The following ACOXL variants were observed in gnomAD, a reference collection of about 807,000 sequenced individuals.
The protein encoded by ACOXL is acyl-CoA oxidase like, also known as acyl-coenzyme A oxidase-like protein.
In ACOXL, 70 loss-of-function variants were observed where a neutral mutation model predicts 71.9. That is an observed-to-expected ratio of 0.97 (90% CI 0.80 to 1.19). The LOEUF (loss-of-function observed/expected upper bound fraction) is 1.19. Among genes scored for constraint, ACOXL ranks in the 50% most tolerant of loss-of-function variants. ACOXL has a pLI of 0.00. For missense variants in ACOXL, 703 were observed against 736.3 expected (o/e 0.95, Z 0.52); for synonymous variants, 253 against 281.6 (o/e 0.90, Z 1.02).
intron 3 of ACOXL, among the ~76,000 whole-genome samples, chr2:110,785,743 T>C (rs150711786): frequency 1.8e-4 from 28 of 152,334 alleles, no homozygotes; most frequent in African/African-American, 6.7e-4. Flanking sequence ...TGTCCATGTC[T>C]GGTGTTGAAC....
intron 10 of ACOXL, among the ~76,000 whole-genome samples, chr2:110,898,852 CA>C (rs796401756): frequency 6.6e-6 from 1 of 151,834 alleles, no homozygotes; most frequent in African/African-American, 2.4e-5. Flanking sequence ...AAGATATCTA[CA>C]AAAAAATCCT....
chr2:111,067,855 T>A (rs1354527628), intron 16 of ACOXL, among the ~76,000 whole-genome samples: 1 of 152,186 alleles, frequency 6.6e-6, no homozygotes, highest in Non-Finnish European at 1.5e-5. Context: ...GGCCCTGCTT[T>A]CAGGGAGCTC....
intron 14 of ACOXL, 83 bp downstream of exon 14, chr2:110,996,087 T>C (rs2063385057): frequency 8.4e-7 from 1 of 1,188,184 alleles, no homozygotes. Flanking sequence ...TTAAGTTTAG[T>C]AGAGGATGAG....
chr2:110,982,854 T>C (rs2062773363), intron 12 of ACOXL, among the ~76,000 whole-genome samples: 2 of 152,212 alleles, frequency 1.3e-5, no homozygotes, highest in South Asian at 2.1e-4. Flanking sequence ...TGTGCGGTGG[T>C]ACAGGACCCT....
rs551992909 is a variant in ACOXL at position 111,002,001 on chromosome 2, C to T, written c.1281+5997C>T. Among the ~76,000 whole-genome samples, 8 of 152,274 alleles carry T rather than the reference C, an allele frequency of 5.3e-5. No homozygotes were observed. The South Asian group carries it at 1.7e-3, about 32-fold the overall frequency. On this transcript the variant is annotated intron_variant, in intron 14 of 17. Coordinates refer to ENST00000439055, the MANE Select transcript of ACOXL (RefSeq NM_001142807.4). ...GCCCACATTATATCGTTGAAATTGT[C>T]TTAGTCTCTGTCTCTCTGTCTCTGT...
At chr2:110,955,772 C>T (rs1164391822) in intron 12 of ACOXL, among the ~76,000 whole-genome samples, 1 of 151,994 alleles carries the variant, frequency 6.6e-6, no homozygotes, top group East Asian at 1.9e-4. Context: ...CAAGCGTCCT[C>T]CCATTCCCAG....
chr2:110,915,426 A>AT (rs1183914057), intron 11 of ACOXL, among the ~76,000 whole-genome samples: 3,039 of 80,176 alleles, frequency 0.038, 99 homozygotes, highest in Non-Finnish European at 0.065. Flanking sequence ...ATATATATAT[A>AT]TATTTTTTTT....
At chr2:110,858,953 C>T (rs762329006) in intron 10 of ACOXL, among the ~76,000 whole-genome samples, 10 of 152,212 alleles carry the variant, frequency 6.6e-5, no homozygotes, top group African/African-American at 1.7e-4. Flanking sequence ...ATGCTTCGTG[C>T]GAGGCGGTAC....
At chr2:111,070,008 A>G (rs1320645387) in intron 16 of ACOXL, among the ~76,000 whole-genome samples, 1 of 152,062 alleles carries the variant, frequency 6.6e-6, no homozygotes, top group Non-Finnish European at 1.5e-5. Context: ...AAGAAGAAGC[A>G]TGTCCGTCGG....
Position 110,948,343 on chromosome 2 carries a change from A to G in ACOXL, c.1059+14701A>G, listed in dbSNP as rs375129401. Among the ~76,000 whole-genome samples the G allele has an allele frequency of 1.5e-4, 23 of 152,166 alleles. No homozygotes were observed. The East Asian group carries it at 3.5e-3, about 23-fold the overall frequency. On this transcript the variant is annotated intron_variant, in intron 12 of 17. Transcript: ENST00000439055. ...CTGAAGCAATTCCAAGTGTTTGTAA[A>G]TTTTTTCAGAAAGTGATGTGAGGCA...
Position 110,949,391 on chromosome 2 carries a change from C to T in ACOXL, c.1059+15749C>T, listed in dbSNP as rs868850301. On this transcript the variant is annotated intron_variant, in intron 12 of 17. Transcript: ENST00000439055. ...AACTGGTTTCTGACCAACTCCCTTT[C>T]TATTTTATTGGTCAGAGATCTCTTT... Among the ~76,000 whole-genome samples, 1,144 of 151,596 alleles carry T rather than the reference C, an allele frequency of 7.5e-3. 8 individuals carry two copies. The highest frequency in any genetic ancestry group is 0.041 in the Middle Eastern group (12 of 290).
At chr2:110,990,604 T>C (rs2063133544) in intron 13 of ACOXL, among the ~76,000 whole-genome samples, 1 of 152,242 alleles carries the variant, frequency 6.6e-6, no homozygotes, top group Admixed American at 6.5e-5. Context: ...TTTATTATGT[T>C]AGAGACAGGG....
At chr2:110,886,380 C>CTTTTTTT (rs751607372) in intron 10 of ACOXL, among the ~76,000 whole-genome samples, 1 of 131,494 alleles carries the variant, frequency 7.6e-6, no homozygotes, top group South Asian at 2.5e-4. Flanking sequence ...CCTTCTTTTT[C>CTTTTTTT]TTTTTTTTTT....
chr2:110,749,255 G>A (rs970068046), intron 1 of ACOXL, among the ~76,000 whole-genome samples: 2 of 152,224 alleles, frequency 1.3e-5, no homozygotes, highest in East Asian at 3.9e-4. Flanking sequence ...AATGCACAAA[G>A]GTCATTTTGT....
At chr2:110,921,398 CCCT>C (rs1350345391) in intron 11 of ACOXL, among the ~76,000 whole-genome samples, 6 of 131,128 alleles carry the variant, frequency 4.6e-5, no homozygotes, top group Admixed American at 1.5e-4. Context: ...ACCCCCCCCC[CCCT>C]TTTTTTTTTG....
intron 1 of ACOXL, among the ~76,000 whole-genome samples, chr2:110,749,688 A>G (rs1190958379): frequency 6.6e-6 from 1 of 152,224 alleles, no homozygotes. Context: ...AGATCGCGCC[A>G]CTGCACTCCA....
intron 10 of ACOXL, among the ~76,000 whole-genome samples, chr2:110,867,919 C>G (rs567118639): frequency 6.6e-6 from 1 of 152,022 alleles, no homozygotes; most frequent in African/African-American, 2.4e-5. Flanking sequence ...CCCACCACCA[C>G]GCTCAGCTAA....
chr2:110,969,323 A>G (rs1558804434), intron 12 of ACOXL, among the ~76,000 whole-genome samples: 1 of 152,220 alleles, frequency 6.6e-6, no homozygotes, highest in Non-Finnish European at 1.5e-5. Flanking sequence ...AATAAAGTTA[A>G]GATTATACAT....
chr2:110,943,198 G>C (rs2060954308), intron 12 of ACOXL, among the ~76,000 whole-genome samples: 1 of 139,330 alleles, frequency 7.2e-6, no homozygotes, highest in African/African-American at 2.7e-5. Context: ...AGGAAGGAAA[G>C]AGAAAGGAAA....
Sources: gnomAD v4.1 joint callset for allele counts (sites outside exome capture counted in the v4.1 genomes callset) on GRCh38, gnomAD v4.1.1 for gene constraint, MANE v1.5 for transcripts, NCBI Gene and HGNC (gene_info 2026-07-23, HGNC 2026-07-21) for gene names.